Variants in DNAJA3 observed in about 807,000 individuals in gnomAD.
The protein encoded by DNAJA3 is DnaJ heat shock protein family (Hsp40) member A3, also known as dnaJ homolog subfamily A member 3, mitochondrial.
Under a neutral mutation model 54.9 loss-of-function variants are expected in DNAJA3, and 29 were observed. The ratio of observed to expected loss-of-function variants is 0.53; its 90% CI spans 0.39 to 0.72. The LOEUF is 0.72. DNAJA3 is among the 30% of genes least tolerant of loss of function. The pLI is 0.00. For missense variants in DNAJA3, 708 were observed against 639.4 expected, an observed-to-expected ratio of 1.11 and a Z score of -1.16; for synonymous variants, 302 against 251.4, an observed-to-expected ratio of 1.20 and a Z score of -1.90.
chr16:4,428,999 C>T (rs1428778041), intron 1 of DNAJA3, among the ~76,000 whole-genome samples: 1 of 151,024 alleles, frequency 6.6e-6, no homozygotes, highest in Non-Finnish European at 1.5e-5. Flanking sequence ...GGCCATTCTC[C>T]TGCCTCAGCC....
chr16:4,426,316 C>T (rs1334259153), intron 1 of DNAJA3, among the ~76,000 whole-genome samples: 1 of 152,214 alleles, frequency 6.6e-6, no homozygotes, highest in East Asian at 1.9e-4. Context: ...GGTGATGAAA[C>T]GCCCCGTAGA....
intron 11 of DNAJA3, 148 bp downstream of exon 11, chr16:4,455,075 A>T: frequency 1.6e-6 from 1 of 638,816 alleles, no homozygotes; most frequent in Non-Finnish European, 2.8e-6. Flanking sequence ...CTCCACTAGG[A>T]GCTGGCCTCT....
intron 2 of DNAJA3, among the ~76,000 whole-genome samples, chr16:4,436,228 T>A (rs2056770710): frequency 6.6e-6 from 1 of 152,108 alleles, no homozygotes; most frequent in African/African-American, 2.4e-5. Context: ...GAAGCAGAGA[T>A]CCTGGCCTGT....
At chr16:4,429,757 G>A (rs117126914) in intron 1 of DNAJA3, among the ~76,000 whole-genome samples, 6,152 of 152,052 alleles carry the variant, frequency 0.04, 163 homozygotes, top group Non-Finnish European at 0.062. Context: ...TTGCTTGAAC[G>A]TGAAAGTCGG....
intron 1 of DNAJA3, chr16:4,426,809 T>C (rs2056629436): frequency 6.6e-6 from 1 of 152,230 alleles, no homozygotes; most frequent in Admixed American, 6.6e-5. Context: ...GCTTAGATGT[T>C]AAACCACTTA....
intron 7 of DNAJA3, among the ~76,000 whole-genome samples, chr16:4,445,867 C>T (rs933909583): frequency 1.3e-5 from 2 of 151,664 alleles, no homozygotes; most frequent in African/African-American, 2.4e-5. Context: ...TATTTTGTTA[C>T]CTCCACTGGG....
chr16:4,448,123 G>A (rs1400194704), intron 8 of DNAJA3, among the ~76,000 whole-genome samples: 3 of 139,366 alleles, frequency 2.2e-5, no homozygotes, highest in Non-Finnish European at 4.6e-5. Flanking sequence ...CCGCCTCCCA[G>A]GTTCAAGCGA....
chr16:4,450,264 C>T, intron 9 of DNAJA3, 136 bp from the exon 10 acceptor site: 1 of 626,994 alleles, frequency 1.6e-6, no homozygotes, highest in Non-Finnish European at 2.8e-6. Flanking sequence ...CTCACCGCTG[C>T]ACTGGCTCAG....
chr16:4,438,980 A>G (rs1030790412), intron 3 of DNAJA3, among the ~76,000 whole-genome samples: 2 of 152,156 alleles, frequency 1.3e-5, no homozygotes, highest in African/African-American at 4.8e-5. Context: ...TTGATAACAT[A>G]ACTAAACAGT....
At position 4,438,635 on chromosome 16, in the gene DNAJA3, C is replaced by CTTTTTTT. The variant is rs56211652; in HGVS notation, c.429+1163_429+1169dup. ...TTCCCAGATTTTTTGACAATCTTTT[C>CTTTTTTT]TTTTTTTTTTTTTTTTTTTGCTTAA... On this transcript the variant is annotated intron_variant, in intron 3 of 11. Coordinates refer to ENST00000262375, the MANE Select transcript of DNAJA3 (RefSeq NM_005147.6). Among the ~76,000 whole-genome samples the CTTTTTTT allele has an allele frequency of 6.0e-3, 661 of 110,484 alleles. 1 individual carries two copies. The highest frequency in any genetic ancestry group is 0.014 in the African/African-American group (401 of 28,128). The allele number at this position is 110,484 out of a possible 152,430, so 72.5% of individuals were successfully genotyped here. A position where few individuals can be genotyped will look rare whatever the true frequency, so the allele number is the denominator to read the frequency against.
intron 7 of DNAJA3, among the ~76,000 whole-genome samples, chr16:4,446,001 A>G (rs554859602): frequency 6.7e-6 from 1 of 149,282 alleles, no homozygotes; most frequent in South Asian, 2.1e-4. Flanking sequence ...AGCTCACTGC[A>G]ACCTCCACCT....
chr16:4,434,724 T>G (rs559299405), intron 2 of DNAJA3, among the ~76,000 whole-genome samples: 13 of 152,122 alleles, frequency 8.5e-5, no homozygotes, highest in African/African-American at 2.9e-4. Context: ...AAGAGGTGAG[T>G]CCAAACCAGA....
intron 1 of DNAJA3, among the ~76,000 whole-genome samples, chr16:4,427,728 G>A (rs1250314122): frequency 2.0e-5 from 3 of 152,156 alleles, no homozygotes; most frequent in Admixed American, 6.5e-5. Flanking sequence ...TGGTGCAGAG[G>A]CACAATTACA....
chr16:4,455,528 CCTAT>C lies in DNAJA3; in HGVS notation c.*14-15_*14-12del. The C allele has an allele frequency of 6.4e-7, 1 of 1,551,720 alleles. No individual in the cohort carries two copies. The highest frequency in any genetic ancestry group is 8.7e-7 in the Non-Finnish European group (1 of 1,146,938). ...TGAAATGTTGAGTATAAGGTAACAG[CCTAT>C]CTCTTTGGCTCAGGAAAAAGATCCA... is the stretch of plus-strand genomic sequence containing the variant. On this transcript the variant is annotated splice_polypyrimidine_tract_variant and intron_variant, in intron 11 of 11. Transcript: ENST00000262375.
intron 10 of DNAJA3, 95 bp downstream of exon 10, chr16:4,450,592 G>T: frequency 1.0e-6 from 1 of 968,864 alleles, no homozygotes. Flanking sequence ...TTTCCACTTC[G>T]GGTTCTTCAT....
rs536953172 is a variant in DNAJA3, at chr16:4,456,406, C to A, written c.*874C>A. On this transcript the variant is annotated 3_prime_UTR_variant, in exon 12 of 12. Coordinates refer to ENST00000262375, the MANE Select transcript of DNAJA3 (RefSeq NM_005147.6). ...GTCAGGGGCTTGGTTCTCCCACTTA[C>A]ACTGTTGACATCTATTTTCTGAAGT... 9.2e-5 allele frequency: 14 copies of A among 152,670 alleles called. No individual in the cohort carries two copies. The highest frequency in any genetic ancestry group is 8.8e-5 in the Non-Finnish European group (6 of 68,054). The allele number at this position is 152,670 out of a possible 1,614,324, so 9.5% of individuals were successfully genotyped here.
At chr16:4,427,476 C>T (rs1412840563) in intron 1 of DNAJA3, 1 of 152,066 alleles carries the variant, frequency 6.6e-6, no homozygotes, top group East Asian at 1.9e-4. Context: ...AGAAAAGAGC[C>T]TGGGCTTCAG....
At position 4,425,933 on chromosome 16, in the gene DNAJA3, C is replaced by T. The variant is rs201593669; in HGVS notation, c.52C>T (p.Arg18Trp). The T allele has an allele frequency of 1.4e-4, 215 of 1,554,296 alleles. 1 individual carries two copies. The African/African-American group carries it at 2.7e-3, about 20-fold the overall frequency. ...GTTGCTGGTGGTTGTGGGGACCCCG[C>T]GGCTGCCGGCTATATCGGGTAGAGG... ...RWLLVVVGTPRLPAISGRGAR... is the reference protein window; with the variant it reads ...RWLLVVVGTPWLPAISGRGAR... The change falls in exon 1 of 12, where the codon CGG becomes TGG. Residue 18 changes from arginine to tryptophan, a missense_variant. Physicochemically the swap from Arg to Trp is moderately radical, Grantham distance 101. Coordinates refer to ENST00000262375, the MANE Select transcript of DNAJA3 (RefSeq NM_005147.6).
intron 7 of DNAJA3, among the ~76,000 whole-genome samples, chr16:4,446,242 A>AT (rs751454752): frequency 0.05 from 6,005 of 119,706 alleles, 171 homozygotes; most frequent in Non-Finnish European, 0.063. Context: ...ATAAAGTAAG[A>AT]TTTTTTTTTT....
Sources: allele counts gnomAD v4.1 joint callset (sites outside exome capture counted in the v4.1 genomes callset), GRCh38; gene constraint gnomAD v4.1.1; transcripts MANE v1.5; gene names NCBI Gene and HGNC (gene_info 2026-07-23, HGNC 2026-07-21).